The following PARD3B variants were observed in gnomAD, a reference collection of about 807,000 sequenced individuals.
PARD3B encodes partitioning defective 3 homolog B.
A neutral mutation model predicts 130.2 loss-of-function variants in PARD3B; 103 were observed. That is an observed-to-expected ratio of 0.79 (90% confidence interval 0.67 to 0.93). The LOEUF (loss-of-function observed/expected upper bound fraction) is 0.93, where lower values mean the gene tolerates loss of function less well. Among genes scored for constraint, PARD3B ranks in the 40% least tolerant of loss-of-function variants. The pLI, the probability that PARD3B is intolerant of heterozygous loss-of-function variation, is 0.00. For synonymous variants in PARD3B, 583 were observed against 553.2 expected, an observed-to-expected ratio of 1.05 and a Z score of -0.76; for missense variants, 1,609 against 1,499.2, an observed-to-expected ratio of 1.07 and a Z score of -1.21.
In PARD3B at chr2:205,558,418, C is replaced by T. The variant is rs2052991044; in HGVS notation, c.3260+5015C>T. On this transcript the variant is annotated intron_variant, in intron 22 of 22. Transcript: ENST00000406610. The surrounding 1 kb of genome is among the most constrained non-coding windows in gnomAD (Gnocchi z 4.8). ...CCGGGCAGTGCTGAACATGCAACTACCAGACTTATACCTGAGCAGGACTCG... is the reference window on the plus strand; with the variant it reads ...CCGGGCAGTGCTGAACATGCAACTATCAGACTTATACCTGAGCAGGACTCG... Among the ~76,000 whole-genome samples the T allele has an allele frequency of 2.6e-5, 4 of 152,152 alleles. No individual in the cohort carries two copies. Among genetic ancestry groups the T allele is most frequent in the Non-Finnish European group, 5.9e-5 (4 of 68,032 alleles).
intron 4 of PARD3B, among the ~76,000 whole-genome samples, chr2:205,051,184 C>A (rs1477809018): frequency 1.3e-5 from 2 of 152,116 alleles, no homozygotes; most frequent in African/African-American, 4.8e-5. Context: ...TCTTTTCCAT[C>A]TCTTGGATTT....
In PARD3B at chr2:205,592,434, T is replaced by C. The variant is rs531033520; in HGVS notation, c.3261-23022T>C. Among the ~76,000 whole-genome samples, 10 of 152,236 alleles carry C rather than the reference T, an allele frequency of 6.6e-5. No homozygotes were observed. In the South Asian group the frequency reaches 2.1e-3, roughly 32 times the overall value. ...CCACAACAGGAATCTCCAGCGAACA[T>C]CCACTAATAAACTTTATATTGGGTG... On this transcript the variant is annotated intron_variant, in intron 22 of 22. Transcript: ENST00000406610. This position sits in a 1 kb window ranked among gnomAD's most constrained non-coding sequence, Gnocchi z 4.5.
At chr2:204,753,090 GA>G (rs2040527391) in intron 2 of PARD3B, among the ~76,000 whole-genome samples, 1 of 152,172 alleles carries the variant, frequency 6.6e-6, no homozygotes. Context: ...AATCTAGACA[GA>G]AGGTGTAATG....
At chr2:205,615,287 AGAAG>A (rs2055383805) in intron 22 of PARD3B, among the ~76,000 whole-genome samples, 165 bp from the exon 23 acceptor site, 1 of 152,116 alleles carries the variant, frequency 6.6e-6, no homozygotes, top group Non-Finnish European at 1.5e-5. Context: ...AGAGAAGGGA[AGAAG>A]TTCCCTTCTC....
At chr2:205,082,951 G>T (rs371325352) in intron 4 of PARD3B, among the ~76,000 whole-genome samples, 2 of 141,156 alleles carry the variant, frequency 1.4e-5, no homozygotes, top group Admixed American at 1.6e-4. Context: ...ACACAGTCTC[G>T]CTCTATCGCC....
chr2:204,842,328 A>C (rs895508435), intron 2 of PARD3B, among the ~76,000 whole-genome samples: 2 of 152,202 alleles, frequency 1.3e-5, no homozygotes, highest in African/African-American at 4.8e-5. Context: ...GTAGTGGGAA[A>C]AAGAAAAATG....
rs531825090 is a variant in PARD3B, at chr2:204,890,085, C to T, written c.223-75067C>T. Among the ~76,000 whole-genome samples, 10 of 152,270 alleles carry T rather than the reference C, an allele frequency of 6.6e-5. No individual in the cohort carries two copies. Among genetic ancestry groups the T allele is most frequent in the Non-Finnish European group, 8.8e-5 (6 of 68,016 alleles). On this transcript the variant is annotated intron_variant, in intron 2 of 22. Transcript: ENST00000406610. The surrounding 1 kb of genome is among the most constrained non-coding windows in gnomAD (Gnocchi z 4.9). ...TCTGGGACTATCGGTTTTATTGCAA[C>T]TGGATGCAGAATTTACCATGTCTGC...
At chr2:204,918,581 G>T (rs1443447061) in intron 2 of PARD3B, among the ~76,000 whole-genome samples, 6 of 143,950 alleles carry the variant, frequency 4.2e-5, no homozygotes, top group African/African-American at 1.3e-4. Context: ...AGTGAGCCGA[G>T]ATCCCGCCAC....
intron 1 of PARD3B, among the ~76,000 whole-genome samples, chr2:204,662,621 A>G (rs2035861533): frequency 6.6e-6 from 1 of 152,188 alleles, no homozygotes. Context: ...AAAGATACGT[A>G]AGTTCAAGGG....
intron 18 of PARD3B, among the ~76,000 whole-genome samples, chr2:205,328,162 C>G (rs1054980821): frequency 2.0e-5 from 3 of 152,044 alleles, no homozygotes; most frequent in Non-Finnish European, 4.4e-5. Flanking sequence ...TTGTCAAAAC[C>G]CCCAATATTT....
intron 3 of PARD3B, among the ~76,000 whole-genome samples, chr2:205,018,592 C>T (rs1364004904): frequency 6.6e-6 from 1 of 151,886 alleles, no homozygotes; most frequent in Admixed American, 6.6e-5. Flanking sequence ...ATGAAAATAA[C>T]TCATGCACTT....
intron 4 of PARD3B, among the ~76,000 whole-genome samples, chr2:205,065,457 T>C (rs1320307287): frequency 3.3e-5 from 5 of 152,178 alleles, no homozygotes; most frequent in African/African-American, 9.7e-5. Flanking sequence ...ATTTAAACCC[T>C]AAATACGTAT....
intron 20 of PARD3B, among the ~76,000 whole-genome samples, chr2:205,472,349 A>G (rs2048864572): frequency 2.0e-5 from 3 of 152,084 alleles, no homozygotes; most frequent in Admixed American, 2.0e-4. Context: ...TTTTCTTACA[A>G]TTAGCACCCA....
intron 20 of PARD3B, among the ~76,000 whole-genome samples, chr2:205,487,180 C>G (rs1348597464): frequency 6.6e-6 from 1 of 152,130 alleles, no homozygotes; most frequent in Non-Finnish European, 1.5e-5. Context: ...GTTCACTTGT[C>G]ACATATATTT....
rs991638634 is a variant in PARD3B at position 205,016,549 on chromosome 2, G to A, written c.395-31032G>A. Among the ~76,000 whole-genome samples, 11 of 152,246 alleles carry A rather than the reference G, an allele frequency of 7.2e-5. 1 individual carries two copies. The East Asian group carries it at 9.6e-4, about 13-fold the overall frequency. On this transcript the variant is annotated intron_variant, in intron 3 of 22. Transcript: ENST00000406610. ...TAGGATCATTTCTTTCCAAGGAAAC[G>A]TTAAGCAGAACCTCAACACATAAAG...
intron 3 of PARD3B, among the ~76,000 whole-genome samples, chr2:205,038,758 A>G (rs987063308): frequency 6.6e-6 from 1 of 152,194 alleles, no homozygotes; most frequent in African/African-American, 2.4e-5. Context: ...GCATTTGTCC[A>G]TCATGTGTTG....
At chr2:204,930,382 A>G (rs949684211) in intron 2 of PARD3B, among the ~76,000 whole-genome samples, 1 of 152,080 alleles carries the variant, frequency 6.6e-6, no homozygotes, top group African/African-American at 2.4e-5. Context: ...TAGGTTACTC[A>G]TAATACCTAA....
At chr2:205,505,660 T>TACCTGA (rs2050332829) in intron 21 of PARD3B, among the ~76,000 whole-genome samples, 1 of 152,240 alleles carries the variant, frequency 6.6e-6, no homozygotes, top group Admixed American at 6.5e-5. Context: ...TGTTATCTGC[T>TACCTGA]GGTATTTTAT....
At chr2:205,156,147 T>C (rs1488029060) in intron 10 of PARD3B, among the ~76,000 whole-genome samples, 2 of 149,822 alleles carry the variant, frequency 1.3e-5, no homozygotes, top group Non-Finnish European at 2.9e-5. Flanking sequence ...TCATTCTCAG[T>C]AAACTATCGC....
Sources: gnomAD v4.1 joint callset for allele counts (sites outside exome capture counted in the v4.1 genomes callset) on GRCh38, gnomAD v4.1.1 for gene constraint, Gnocchi (gnomAD v3.1) non-coding constraint, MANE v1.5 for transcripts, NCBI Gene and HGNC (gene_info 2026-07-23, HGNC 2026-07-21) for gene names.